GLG1: variants seen among roughly 807,000 people sequenced by gnomAD.
GLG1 encodes the protein golgi glycoprotein 1, also known as Golgi apparatus protein 1.
A neutral mutation model predicts 160.5 loss-of-function variants in GLG1; 38 were observed. The ratio of observed to expected loss-of-function variants is 0.24; its 90% CI spans 0.18 to 0.31. The LOEUF (loss-of-function observed/expected upper bound fraction) is 0.31. Ranked by LOEUF, GLG1 falls within the 10% of genes least tolerant of loss-of-function variation. The pLI is 1.00. For synonymous variants in GLG1, 644 were observed against 543.4 expected, an observed-to-expected ratio of 1.19 and a Z score of -2.57; for missense variants, 1,373 against 1,505.2, an observed-to-expected ratio of 0.91 and a Z score of 1.45.
At chr16:74,460,325 T>G (rs1227189338) in intron 22 of GLG1, among the ~76,000 whole-genome samples, 5 of 152,036 alleles carry the variant, frequency 3.3e-5, no homozygotes, top group African/African-American at 1.2e-4. Context: ...CTGGCCTGAT[T>G]TTTGTATTTC....
At chr16:74,510,060 T>C (rs1446110022) in intron 2 of GLG1, among the ~76,000 whole-genome samples, 2 of 148,896 alleles carry the variant, frequency 1.3e-5, no homozygotes, top group African/African-American at 5.0e-5. Context: ...AGACAGAGTT[T>C]CCCTCTTATT....
chr16:74,509,593 T>A (rs948677375), intron 2 of GLG1, among the ~76,000 whole-genome samples: 1 of 151,960 alleles, frequency 6.6e-6, no homozygotes, highest in African/African-American at 2.4e-5. Flanking sequence ...CTGACGCCTG[T>A]AATCCCAGCA....
At chr16:74,600,831 G>A (rs1958425492) in intron 1 of GLG1, among the ~76,000 whole-genome samples, 1 of 149,986 alleles carries the variant, frequency 6.7e-6, no homozygotes, top group South Asian at 2.1e-4. Flanking sequence ...TCCTAATTTT[G>A]TCTTATTACA....
chr16:74,508,604 T>G (rs2016695797), intron 3 of GLG1, among the ~76,000 whole-genome samples: 1 of 152,184 alleles, frequency 6.6e-6, no homozygotes, highest in Non-Finnish European at 1.5e-5. Flanking sequence ...ACTTGCTGTT[T>G]TGAGACCAAT....
At chr16:74,532,003 T>G in intron 2 of GLG1, 118 bp downstream of exon 2, 1 of 461,708 alleles carries the variant, frequency 2.2e-6, no homozygotes, top group East Asian at 3.4e-5. Flanking sequence ...TTGTCATCCT[T>G]TTAAGATTAA....
intron 2 of GLG1, among the ~76,000 whole-genome samples, chr16:74,520,417 A>C (rs1419394970): frequency 6.6e-6 from 1 of 152,160 alleles, no homozygotes; most frequent in East Asian, 1.9e-4. Context: ...TGTGTGGATT[A>C]CCTGAGGTCA....
At chr16:74,537,424 G>C (rs1462018042) in intron 1 of GLG1, among the ~76,000 whole-genome samples, 1 of 151,542 alleles carries the variant, frequency 6.6e-6, no homozygotes, top group African/African-American at 2.4e-5. Context: ...TTCTATAGTA[G>C]TTAGCAATAG....
rs1278380255 is a variant in GLG1 at position 74,540,023 on chromosome 16, TA to T, written c.439-7871del. ...TATATATATATATTTTATATATATA[TA>T]TTATATATATTTTATATATATATTA... On this transcript the variant is annotated intron_variant, in intron 1 of 25. Coordinates refer to ENST00000422840, the MANE Select transcript of GLG1 (RefSeq NM_001145667.2). Among the ~76,000 whole-genome samples the T allele has an allele frequency of 5.9e-5, 2 of 34,030 alleles. 1 individual carries two copies. Among genetic ancestry groups the T allele is most frequent in the African/African-American group, 2.7e-4 (2 of 7,478 alleles). The allele number at this position is 34,030 out of a possible 152,430, so 22.3% of individuals were successfully genotyped here. A position where few individuals can be genotyped will look rare whatever the true frequency, so the allele number is the denominator to read the frequency against.
At chr16:74,469,755 A>T in intron 16 of GLG1, 1 of 536,056 alleles carries the variant, frequency 1.9e-6, no homozygotes, top group African/African-American at 1.9e-5. Flanking sequence ...TGACCTGGAA[A>T]AATTAAAAAT....
rs1203001709 is a variant in GLG1, at chr16:74,552,990, G to A, written c.439-20837C>T. 8.5e-5 allele frequency among the ~76,000 whole-genome samples: 13 copies of A among 152,204 alleles called. No individual in the cohort carries two copies. In the South Asian group the frequency reaches 1.5e-3, roughly 17 times the overall value. On this transcript the variant is annotated intron_variant, in intron 1 of 25. Transcript: ENST00000422840. ...TCCCTGCACTTTGGGAGGCAGAGGC[G>A]AGCGGATCACTTGAGGTCAGAAGTT...
intron 1 of GLG1, among the ~76,000 whole-genome samples, chr16:74,536,138 G>C (rs1327628116): frequency 6.6e-6 from 1 of 152,176 alleles, no homozygotes; most frequent in Non-Finnish European, 1.5e-5. Context: ...GAAAACAGAT[G>C]CAGGTGCTGA....
chr16:74,526,817 C>A (rs34825113), intron 2 of GLG1, among the ~76,000 whole-genome samples: 6 of 152,254 alleles, frequency 3.9e-5, no homozygotes, highest in African/African-American at 4.8e-5. Context: ...GAAGATGCTA[C>A]TTGATCACTT....
In GLG1 at chr16:74,558,106, C is replaced by A. The variant is rs1409340261; in HGVS notation, c.439-25953G>T. ...ACAGATGGTCTTCAACTTTCACAGT[C>A]TGATTTTCATATATTATATACTTAT... On this transcript the variant is annotated intron_variant, in intron 1 of 25. Coordinates refer to ENST00000422840, the MANE Select transcript of GLG1 (RefSeq NM_001145667.2). Among the ~76,000 whole-genome samples, 11 of 152,134 alleles carry A rather than the reference C, an allele frequency of 7.2e-5. No individual in the cohort carries two copies. The South Asian group carries it at 1.7e-3, about 23-fold the overall frequency.
intron 6 of GLG1, among the ~76,000 whole-genome samples, chr16:74,494,192 A>G (rs1284568107): frequency 6.6e-6 from 1 of 151,520 alleles, no homozygotes; most frequent in Non-Finnish European, 1.5e-5. Context: ...CAAAAACAAA[A>G]CAAAACAAAA....
chr16:74,582,445 A>G (rs1957958982), intron 1 of GLG1, among the ~76,000 whole-genome samples: 1 of 152,040 alleles, frequency 6.6e-6, no homozygotes, highest in Non-Finnish European at 1.5e-5. Flanking sequence ...GGATTTCCTT[A>G]ATCCTGAAAG....
chr16:74,563,703 C>A lies in GLG1; in HGVS notation c.439-31550G>T, dbSNP rs578084460. ...GATCACGCCACTATTCTCCAGCCTGCGCAACAGAGTGAGACCCTGTCTCAA... is the reference window on the plus strand; with the variant it reads ...GATCACGCCACTATTCTCCAGCCTGAGCAACAGAGTGAGACCCTGTCTCAA... On this transcript the variant is annotated intron_variant, in intron 1 of 25. Coordinates refer to ENST00000422840, the MANE Select transcript of GLG1 (RefSeq NM_001145667.2). Among the ~76,000 whole-genome samples the A allele has an allele frequency of 1.1e-3, 158 of 144,836 alleles. 5 individuals carry two copies. The South Asian group carries it at 0.031, about 29-fold the overall frequency.
intron 8 of GLG1, 63 bp from the exon 9 acceptor site, chr16:74,485,980 T>A: frequency 7.7e-7 from 1 of 1,306,048 alleles, no homozygotes; most frequent in Non-Finnish European, 1.1e-6. Flanking sequence ...AAGAGCAGTG[T>A]CTTCATACAT....
rs748996150 is a variant in GLG1, at chr16:74,447,569, C to T, written c.*5598G>A. On this transcript the variant is annotated 3_prime_UTR_variant, in exon 26 of 26. Transcript: ENST00000422840. The stretch of plus-strand genomic sequence containing the variant: ...AACATGTAAAAACAAGGGACCACCA[C>T]GATTTTATACATAGAAAGGAAACCC... 11 of 152,282 alleles carry T rather than the reference C, an allele frequency of 7.2e-5. No individual in the cohort carries two copies. Among genetic ancestry groups the T allele is most frequent in the Non-Finnish European group, 1.2e-4 (8 of 68,022 alleles). 9.4% of individuals were successfully genotyped at this position (152,282 alleles called of 1,614,324 possible).
chr16:74,492,470 G>A (rs1455522236), intron 7 of GLG1, among the ~76,000 whole-genome samples: 2 of 151,638 alleles, frequency 1.3e-5, no homozygotes, highest in African/African-American at 4.8e-5. Context: ...TCACGTGAGG[G>A]CAGGAGTTTT....
Sources: gnomAD v4.1 joint callset for allele counts (sites outside exome capture counted in the v4.1 genomes callset) on GRCh38, gnomAD v4.1.1 for gene constraint, MANE v1.5 for transcripts, NCBI Gene and HGNC (gene_info 2026-07-23, HGNC 2026-07-21) for gene names.